ELOVL6: variants seen among roughly 807,000 people sequenced by gnomAD.
ELOVL6 encodes the protein ELOVL fatty acid elongase 6.
A neutral mutation model predicts 31.7 loss-of-function variants in ELOVL6; 8 were observed. The ratio of observed to expected loss-of-function variants is 0.25; its 90% CI spans 0.15 to 0.45. The LOEUF is 0.45. Among genes scored for constraint, ELOVL6 ranks in the 20% least tolerant of loss-of-function variants. ELOVL6 has a pLI of 1.00. For synonymous variants in ELOVL6, 101 were observed against 117.7 expected (o/e 0.86, Z 0.92); for missense variants, 126 against 326.4 (o/e 0.39, Z 4.73).
intron 3 of ELOVL6, among the ~76,000 whole-genome samples, chr4:110,054,532 G>A (rs1325630565): frequency 1.3e-5 from 2 of 152,236 alleles, no homozygotes; most frequent in Non-Finnish European, 2.9e-5. Flanking sequence ...ATGCTTTCAT[G>A]AGTCTCTTAG....
chr4:110,108,587 TAG>T (rs1358370016), intron 1 of ELOVL6, among the ~76,000 whole-genome samples: 1 of 152,114 alleles, frequency 6.6e-6, no homozygotes, highest in Non-Finnish European at 1.5e-5. Context: ...CAAGGAACCT[TAG>T]AGGTGGAGCC....
At chr4:110,138,963 T>A (rs1757879400) in intron 1 of ELOVL6, among the ~76,000 whole-genome samples, 1 of 152,160 alleles carries the variant, frequency 6.6e-6, no homozygotes, top group Admixed American at 6.5e-5. Flanking sequence ...TTTTAGGTAT[T>A]GATATAGATA....
At chr4:110,144,976 C>T (rs1308621343) in intron 1 of ELOVL6, among the ~76,000 whole-genome samples, 1 of 152,030 alleles carries the variant, frequency 6.6e-6, no homozygotes. Flanking sequence ...TTGGCTTAAG[C>T]TCACAGAAGC....
rs536019386 is a variant in ELOVL6 at position 110,051,190 on chromosome 4, C to A, written c.*148G>T. ...CATAAACTTACTGGGTTAAATCAAC[C>A]TAATTATCCCTAAGCTGCCTTGGGT... On this transcript the variant is annotated 3_prime_UTR_variant, in exon 4 of 4. Transcript: ENST00000302274. The surrounding 1 kb of genome is among the most constrained non-coding windows in gnomAD (Gnocchi z 4.8). 5.0e-6 allele frequency: 4 copies of A among 794,844 alleles called. No individual in the cohort carries two copies. Among genetic ancestry groups the A allele is most frequent in the Non-Finnish European group, 7.9e-6 (4 of 505,682 alleles). The allele number at this position is 794,844 out of a possible 1,614,324, so 49.2% of individuals were successfully genotyped here.
intron 1 of ELOVL6, among the ~76,000 whole-genome samples, chr4:110,111,567 C>G (rs1197045366): frequency 6.6e-6 from 1 of 152,038 alleles, no homozygotes; most frequent in African/African-American, 2.4e-5. Flanking sequence ...CTCTGCTAAT[C>G]TAGCTAGAAA....
Position 110,113,227 on chromosome 4 carries a change from C to CAAAAAA in ELOVL6, c.90-7605_90-7600dup, listed in dbSNP as rs754003099. 2.8e-4 allele frequency among the ~76,000 whole-genome samples: 30 copies of CAAAAAA among 107,490 alleles called. 1 individual carries two copies. In the East Asian group the frequency reaches 6.5e-3, roughly 23 times the overall value. The allele number at this position is 107,490 out of a possible 152,430, so 70.5% of individuals were successfully genotyped here. On this transcript the variant is annotated intron_variant, in intron 1 of 3. Transcript: ENST00000302274. ...TGGGCGACAAAGCAAGACTCCGTCT[C>CAAAAAA]AAAAAAAAAAAAAAAAAGAGGAAAG...
intron 1 of ELOVL6, among the ~76,000 whole-genome samples, chr4:110,119,881 C>T (rs1326394507): frequency 3.3e-5 from 5 of 152,176 alleles, no homozygotes; most frequent in Admixed American, 1.3e-4. Context: ...AGAATAATTT[C>T]TCCTTTCTTT....
rs1186416215 is a variant in ELOVL6 at position 110,049,237 on chromosome 4, A to G, written c.*2101T>C. 1 of 152,210 alleles carries G rather than the reference A, an allele frequency of 6.6e-6. No individual in the cohort carries two copies. Among genetic ancestry groups the G allele is most frequent in the African/African-American group, 2.4e-5 (1 of 41,448 alleles). 9.4% of individuals were successfully genotyped at this position (152,210 alleles called of 1,614,324 possible). On this transcript the variant is annotated 3_prime_UTR_variant, in exon 4 of 4. Transcript: ENST00000302274. Reference sequence around the variant, plus strand: ...TTCCTCCATCAGTTGTGTCTCACCTATGAACCAACATCAAGACATTATAGA... The same window carrying G: ...TTCCTCCATCAGTTGTGTCTCACCTGTGAACCAACATCAAGACATTATAGA...
chr4:110,105,546 C>A lies in ELOVL6; in HGVS notation c.172G>T (p.Glu58Ter). 1 of 1,613,784 alleles carries A rather than the reference C, an allele frequency of 6.2e-7. No individual in the cohort carries two copies. The highest frequency in any genetic ancestry group is 8.5e-7 in the Non-Finnish European group (1 of 1,179,788). ...CAGAGCACTAATGGCTTCCTCAGTT[C>A]AAACTTTGCTCGTTTATTCATTAGG... ...RHLMNKRAKFELRKPLVLWSL... is the reference protein window; with the variant it reads ...RHLMNKRAKF Residue 58 changes from glutamate (E) to a stop codon, truncating the protein, a stop_gained, in exon 2 of 4, where the codon GAA becomes TAA. Transcript: ENST00000302274. LOFTEE classifies it high-confidence loss of function.
intron 2 of ELOVL6, among the ~76,000 whole-genome samples, chr4:110,075,551 T>G (rs976699727): frequency 2.0e-5 from 3 of 152,196 alleles, no homozygotes; most frequent in African/African-American, 7.2e-5. Context: ...ATGAGGTATC[T>G]AAAGCAGTCA....
intron 1 of ELOVL6, among the ~76,000 whole-genome samples, chr4:110,161,346 C>T (rs1297682399): frequency 6.6e-6 from 1 of 152,198 alleles, no homozygotes; most frequent in Non-Finnish European, 1.5e-5. Context: ...AGTCAATCCT[C>T]ATTCACTGAT....
At chr4:110,136,947 T>C (rs555248734) in intron 1 of ELOVL6, among the ~76,000 whole-genome samples, 1 of 152,280 alleles carries the variant, frequency 6.6e-6, no homozygotes, top group South Asian at 2.1e-4. Flanking sequence ...GTGACACTCA[T>C]ATAAATGCAG....
chr4:110,125,449 T>C (rs912010208), intron 1 of ELOVL6, among the ~76,000 whole-genome samples: 3 of 152,120 alleles, frequency 2.0e-5, no homozygotes, highest in Admixed American at 6.5e-5. Flanking sequence ...CATGTCAATA[T>C]ACATAAGGAA....
chr4:110,185,392 A>C (rs371856575), intron 1 of ELOVL6, among the ~76,000 whole-genome samples: 6 of 152,096 alleles, frequency 3.9e-5, no homozygotes, highest in African/African-American at 1.4e-4. Context: ...CAGAATATGT[A>C]ATTAGAACCC....
chr4:110,142,470 C>A (rs1757992655), intron 1 of ELOVL6, among the ~76,000 whole-genome samples: 1 of 152,192 alleles, frequency 6.6e-6, no homozygotes, highest in Admixed American at 6.5e-5. Flanking sequence ...CAGACAATCT[C>A]ATCTATCCCT....
At chr4:110,154,195 G>C (rs2126266536) in intron 1 of ELOVL6, among the ~76,000 whole-genome samples, 1 of 152,186 alleles carries the variant, frequency 6.6e-6, no homozygotes, top group African/African-American at 2.4e-5. Flanking sequence ...TCCCACCTCA[G>C]CCTCCCAAGT....
chr4:110,098,071 G>A (rs567555060), intron 2 of ELOVL6, among the ~76,000 whole-genome samples: 4 of 152,236 alleles, frequency 2.6e-5, no homozygotes, highest in African/African-American at 7.2e-5. Context: ...GACCTGCATC[G>A]TATCTGTCTA....
At chr4:110,183,779 G>A (rs1759364856) in intron 1 of ELOVL6, among the ~76,000 whole-genome samples, 1 of 152,088 alleles carries the variant, frequency 6.6e-6, no homozygotes, top group African/African-American at 2.4e-5. Context: ...TTTGAGCTCA[G>A]GAGACCAGCC....
intron 1 of ELOVL6, among the ~76,000 whole-genome samples, chr4:110,132,418 G>C (rs1757693830): frequency 6.6e-6 from 1 of 152,152 alleles, no homozygotes. Context: ...TTCAACAGAA[G>C]AGATAGAACA....
Sources: allele counts gnomAD v4.1 joint callset (sites outside exome capture counted in the v4.1 genomes callset), GRCh38; gene constraint gnomAD v4.1.1; non-coding constraint Gnocchi (gnomAD v3.1); transcripts MANE v1.5; gene names NCBI Gene and HGNC (gene_info 2026-07-23, HGNC 2026-07-21).